Variants in ADCY8 observed in about 807,000 individuals in gnomAD.
ADCY8 encodes adenylate cyclase type 8.
In ADCY8, 51 loss-of-function variants were observed where a neutral mutation model predicts 119.7. That is an observed-to-expected ratio of 0.43 (90% confidence interval 0.34 to 0.54). The LOEUF (loss-of-function observed/expected upper bound fraction) is 0.54. ADCY8 is among the 20% of genes least tolerant of loss of function. ADCY8 has a pLI of 0.03. For missense variants in ADCY8, 1,383 were observed against 1,598.8 expected (o/e 0.87, Z 2.30); for synonymous variants, 665 against 651.0 (o/e 1.02, Z -0.33).
intron 1 of ADCY8, among the ~76,000 whole-genome samples, chr8:131,002,675 AAT>A (rs1822987876): frequency 6.6e-6 from 1 of 151,940 alleles, no homozygotes; most frequent in Non-Finnish European, 1.5e-5. Context: ...TAAAAAAAAA[AAT>A]GAGGCCTCCT....
At chr8:130,872,242 C>T (rs751439459) in intron 8 of ADCY8, among the ~76,000 whole-genome samples, 10 of 152,142 alleles carry the variant, frequency 6.6e-5, no homozygotes, top group Non-Finnish European at 8.8e-5. Context: ...CTGTGATACA[C>T]GCTTTACATG....
intron 11 of ADCY8, among the ~76,000 whole-genome samples, chr8:130,839,395 C>A (rs1186944825): frequency 7.2e-6 from 1 of 139,118 alleles, no homozygotes; most frequent in Non-Finnish European, 1.6e-5. Flanking sequence ...GAAAGGTGAA[C>A]CTTTTGGAGG....
In ADCY8 at chr8:130,847,461, G is replaced by A. The variant is rs371754667; in HGVS notation, c.2465C>T (p.Ser822Phe). The change falls in exon 11 of 18, where the codon TCC becomes TTC. Residue 822 changes from serine to phenylalanine, a missense_variant. Ser to Phe is a radical substitution (Grantham distance 155). Coordinates refer to ENST00000286355, the MANE Select transcript of ADCY8 (RefSeq NM_001115.3). ...SIPLKNLTFNSSAVFTDICSY... is the reference protein window; with the variant it reads ...SIPLKNLTFNFSAVFTDICSY... The stretch of plus-strand genomic sequence containing the variant: ...GCAGATATCTGTAAACACAGCTGAG[G>A]AATTGAAAGTCAGGTTCTTCAAGGG... 4.6e-5 allele frequency: 74 copies of A among 1,612,316 alleles called. No individual in the cohort carries two copies. Among genetic ancestry groups the A allele is most frequent in the Non-Finnish European group, 6.3e-5 (74 of 1,179,516 alleles).
intron 13 of ADCY8, among the ~76,000 whole-genome samples, chr8:130,814,995 T>G (rs1257634402): frequency 6.6e-6 from 1 of 152,168 alleles, no homozygotes; most frequent in Admixed American, 6.5e-5. Context: ...TGTGATGGCA[T>G]TTAGAGATGG....
intron 8 of ADCY8, among the ~76,000 whole-genome samples, chr8:130,875,703 T>C (rs987006457): frequency 6.6e-6 from 1 of 152,224 alleles, no homozygotes; most frequent in African/African-American, 2.4e-5. Context: ...AGAAACATTT[T>C]AGAGTTTATG....
At chr8:130,986,763 A>G (rs1361511378) in intron 2 of ADCY8, among the ~76,000 whole-genome samples, 1 of 152,216 alleles carries the variant, frequency 6.6e-6, no homozygotes, top group Non-Finnish European at 1.5e-5. Flanking sequence ...CAGATCTGTC[A>G]AAGAATTTCT....
chr8:130,916,508 C>G (rs146462983), intron 5 of ADCY8, among the ~76,000 whole-genome samples: 53 of 152,322 alleles, frequency 3.5e-4, no homozygotes, highest in African/African-American at 1.2e-3. Flanking sequence ...GTGTTGGGAG[C>G]AAGCCCCTCA....
intron 8 of ADCY8, among the ~76,000 whole-genome samples, chr8:130,869,955 T>TCTTC (rs1554610095): frequency 1.4e-3 from 164 of 116,130 alleles, no homozygotes; most frequent in East Asian, 4.2e-3. Context: ...TTCTTCTTCT[T>TCTTC]CTTCTTCCTT....
At chr8:130,887,777 C>T (rs973507590) in intron 7 of ADCY8, among the ~76,000 whole-genome samples, 4 of 151,988 alleles carry the variant, frequency 2.6e-5, no homozygotes, top group Non-Finnish European at 5.9e-5. Flanking sequence ...TCTGTGATAC[C>T]CCTCTATCTC....
intron 14 of ADCY8, among the ~76,000 whole-genome samples, chr8:130,808,278 G>A (rs549486762): frequency 6.6e-6 from 1 of 152,080 alleles, no homozygotes. Context: ...CCTGGCACAT[G>A]GTTGGCCCTC....
intron 2 of ADCY8, among the ~76,000 whole-genome samples, chr8:130,968,466 C>T (rs945233695): frequency 3.9e-5 from 6 of 152,146 alleles, no homozygotes; most frequent in Admixed American, 1.3e-4. Flanking sequence ...CCACCGCACC[C>T]GGCCAGTTAT....
intron 1 of ADCY8, among the ~76,000 whole-genome samples, chr8:131,011,423 G>T (rs1462996702): frequency 6.6e-6 from 1 of 152,082 alleles, no homozygotes; most frequent in Admixed American, 6.5e-5. Flanking sequence ...TTATGGATGG[G>T]ACCTGAAAGA....
rs1563681837 is a variant in ADCY8 at position 130,828,509 on chromosome 8, CGCA to C, written c.2676-7092_2676-7090del. Among the ~76,000 whole-genome samples the C allele has an allele frequency of 3.3e-5, 5 of 152,254 alleles. No individual in the cohort carries two copies. In the South Asian group the frequency reaches 1.0e-3, roughly 32 times the overall value. On this transcript the variant is annotated intron_variant, in intron 12 of 17. Coordinates refer to ENST00000286355, the MANE Select transcript of ADCY8 (RefSeq NM_001115.3). ...CTCTCTCTGCCCTTGGACTGGAAAC[CGCA>C]TGGTGTTTCAAGGTTAACAGTGCCA...
intron 3 of ADCY8, chr8:130,949,538 A>C (rs933567137): frequency 2.0e-5 from 3 of 152,304 alleles, no homozygotes; most frequent in Admixed American, 1.3e-4. Context: ...GGAATATGGA[A>C]CACCACCTAT....
intron 4 of ADCY8, among the ~76,000 whole-genome samples, chr8:130,941,964 C>T (rs1820969333): frequency 6.6e-6 from 1 of 152,136 alleles, no homozygotes; most frequent in Non-Finnish European, 1.5e-5. Flanking sequence ...GCTTCATGCC[C>T]TCTCTCTACA....
chr8:130,889,752 G>A (rs1176462600), intron 7 of ADCY8, among the ~76,000 whole-genome samples: 2 of 152,280 alleles, frequency 1.3e-5, no homozygotes, highest in African/African-American at 2.4e-5. Context: ...ACTTCACAGA[G>A]TATCAGACCC....
intron 8 of ADCY8, among the ~76,000 whole-genome samples, chr8:130,881,721 C>A (rs1818779182): frequency 6.6e-6 from 1 of 152,096 alleles, no homozygotes; most frequent in Non-Finnish European, 1.5e-5. Context: ...TCTCTGAAAT[C>A]AGCATGCACC....
At chr8:130,983,704 G>A (rs1822308645) in intron 2 of ADCY8, among the ~76,000 whole-genome samples, 3 of 152,150 alleles carry the variant, frequency 2.0e-5, no homozygotes, top group African/African-American at 7.2e-5. Context: ...CACATTTAGT[G>A]TGAGGTCTTA....
chr8:130,848,363 C>T (rs1022930243), intron 10 of ADCY8, among the ~76,000 whole-genome samples: 12 of 152,238 alleles, frequency 7.9e-5, no homozygotes, highest in African/African-American at 2.9e-4. Context: ...GGCTGCTTCT[C>T]TGCAGCCTGT....
Sources: allele counts gnomAD v4.1 joint callset (sites outside exome capture counted in the v4.1 genomes callset), GRCh38; gene constraint gnomAD v4.1.1; transcripts MANE v1.5; gene names NCBI Gene and HGNC (gene_info 2026-07-23, HGNC 2026-07-21).